KCNIP1: variants seen among roughly 807,000 people sequenced by gnomAD.
KCNIP1 encodes the protein A-type potassium channel modulatory protein KCNIP1.
Under a neutral mutation model 33.0 loss-of-function variants are expected in KCNIP1, and 18 were observed. The ratio of observed to expected loss-of-function variants is 0.55; its 90% CI spans 0.38 to 0.81. The LOEUF (loss-of-function observed/expected upper bound fraction) is 0.81. Ranked by LOEUF, KCNIP1 falls within the 30% of genes least tolerant of loss-of-function variation. The probability of loss-of-function intolerance (pLI) is 0.00; values close to 1 mark genes in which losing one functional copy is unlikely to be tolerated. For missense variants in KCNIP1, 238 were observed against 271.6 expected (o/e 0.88, Z 0.87); for synonymous variants, 93 against 98.3 (o/e 0.95, Z 0.32).
intron 5 of KCNIP1, among the ~76,000 whole-genome samples, chr5:170,731,872 CAAAAAAAAA>C (rs1157286321): frequency 5.9e-5 from 1 of 16,898 alleles, no homozygotes; most frequent in Non-Finnish European, 1.2e-4. Flanking sequence ...GACTCCGTCT[CAAAAAAAAA>C]AAAAAAAAAA....
At chr5:170,711,766 A>T (rs1763453576) in intron 1 of KCNIP1, among the ~76,000 whole-genome samples, 1 of 152,354 alleles carries the variant, frequency 6.6e-6, no homozygotes, top group Admixed American at 6.5e-5. Context: ...CCACCTCACC[A>T]GAAGGATCAA....
intron 1 of KCNIP1, among the ~76,000 whole-genome samples, chr5:170,546,361 C>T (rs1756409078): frequency 6.6e-6 from 1 of 152,222 alleles, no homozygotes. Flanking sequence ...CATTTCCCAG[C>T]CACCTGAGCT....
intron 1 of KCNIP1, among the ~76,000 whole-genome samples, chr5:170,674,139 GGAAGGAAGGAAGGAAGGAAGGAA>G (rs1762029168): frequency 4.2e-4 from 32 of 76,896 alleles, no homozygotes; most frequent in African/African-American, 1.6e-3. Flanking sequence ...GAGGAAGGAA[GGAAGGAAGGAAGGAAGGAAGGAA>G]GGAAGGAAGG....
chr5:170,581,287 A>G (rs1449751405), intron 1 of KCNIP1, among the ~76,000 whole-genome samples: 1 of 152,236 alleles, frequency 6.6e-6, no homozygotes, highest in Admixed American at 6.5e-5. Flanking sequence ...AGAGCTAACA[A>G]GTGTCAGAGT....
At chr5:170,390,166 T>A (rs1421554324) in intron 1 of KCNIP1, among the ~76,000 whole-genome samples, 1 of 152,166 alleles carries the variant, frequency 6.6e-6, no homozygotes, top group Non-Finnish European at 1.5e-5. Context: ...AAACATGCTT[T>A]TAGATCTCTG....
chr5:170,430,876 C>T (rs561764057), intron 1 of KCNIP1, among the ~76,000 whole-genome samples: 1 of 152,328 alleles, frequency 6.6e-6, no homozygotes, highest in African/African-American at 2.4e-5. Flanking sequence ...TCACTAGTCT[C>T]ATAGATGAGC....
chr5:170,393,687 A>C (rs1317789292), intron 1 of KCNIP1, among the ~76,000 whole-genome samples: 2 of 152,224 alleles, frequency 1.3e-5, no homozygotes. Context: ...GTAAATGCCG[A>C]TATTACAATT....
At chr5:170,416,158 C>A (rs377699096) in intron 1 of KCNIP1, among the ~76,000 whole-genome samples, 1 of 152,134 alleles carries the variant, frequency 6.6e-6, no homozygotes, top group East Asian at 1.9e-4. Context: ...GTCGCCCAGC[C>A]TCACTCTGGG....
intron 1 of KCNIP1, among the ~76,000 whole-genome samples, chr5:170,451,652 A>G (rs1239564854): frequency 6.6e-6 from 1 of 151,528 alleles, no homozygotes; most frequent in Non-Finnish European, 1.5e-5. Context: ...TCTGATAGGG[A>G]GCATCAGCTG....
At position 170,390,517 on chromosome 5, in the gene KCNIP1, A is replaced by AAAAAAAAAAAAAAATATAT; in HGVS notation, c.88+36554_88+36555insAAAAAAAAAAAAATATATA. Among the ~76,000 whole-genome samples, 50 of 74,504 alleles carry AAAAAAAAAAAAAAATATAT rather than the reference A, an allele frequency of 6.7e-4. 1 individual carries two copies. Among genetic ancestry groups the AAAAAAAAAAAAAAATATAT allele is most frequent in the African/African-American group, 3.1e-3 (48 of 15,578 alleles). The allele number at this position is 74,504 out of a possible 152,430, so 48.9% of individuals were successfully genotyped here. On this transcript the variant is annotated intron_variant, in intron 1 of 7. Transcript: ENST00000377360. Reference sequence around the variant, plus strand: ...GACCCCGTCTCAAAAAAAAAAAACAAATATATATATATATATATATATTTT... The same window carrying AAAAAAAAAAAAAAATATAT: ...GACCCCGTCTCAAAAAAAAAAAACAAAAAAAAAAAAAAAATATATATATATATATATATATATATATTTT...
At chr5:170,416,519 C>T (rs1272021668) in intron 1 of KCNIP1, among the ~76,000 whole-genome samples, 1 of 152,140 alleles carries the variant, frequency 6.6e-6, no homozygotes, top group Non-Finnish European at 1.5e-5. Flanking sequence ...GTCACAGGGG[C>T]CTTCCCTTCC....
intron 1 of KCNIP1, among the ~76,000 whole-genome samples, chr5:170,428,688 C>A (rs1193132649): frequency 6.6e-6 from 1 of 152,098 alleles, no homozygotes; most frequent in African/African-American, 2.4e-5. Flanking sequence ...ACACTAAAGC[C>A]AATAGGAAGA....
intron 1 of KCNIP1, among the ~76,000 whole-genome samples, chr5:170,363,363 T>A (rs1237861444): frequency 6.6e-6 from 1 of 152,190 alleles, no homozygotes; most frequent in African/African-American, 2.4e-5. Context: ...AGGGCCTTGA[T>A]GCAGGAGATT....
At chr5:170,696,134 C>G (rs1762884797) in intron 1 of KCNIP1, among the ~76,000 whole-genome samples, 2 of 152,008 alleles carry the variant, frequency 1.3e-5, no homozygotes, top group South Asian at 4.2e-4. Context: ...TCGTAGTGTT[C>G]ATAGACTCTC....
At chr5:170,692,100 C>A (rs1401936553) in intron 1 of KCNIP1, among the ~76,000 whole-genome samples, 2 of 152,082 alleles carry the variant, frequency 1.3e-5, no homozygotes, top group African/African-American at 4.8e-5. Context: ...CCAAGAACCA[C>A]CTAAGTAAAG....
chr5:170,636,424 C>T (rs1232850297), intron 1 of KCNIP1, among the ~76,000 whole-genome samples: 1 of 152,078 alleles, frequency 6.6e-6, no homozygotes, highest in African/African-American at 2.4e-5. Context: ...GGGGGGTGGC[C>T]GAGGAGGGGC....
chr5:170,675,470 T>C (rs1192389032), intron 1 of KCNIP1, among the ~76,000 whole-genome samples: 1 of 151,740 alleles, frequency 6.6e-6, no homozygotes, highest in Non-Finnish European at 1.5e-5. Flanking sequence ...AATACAAAAA[T>C]ATTAGCCGGG....
chr5:170,663,463 G>A (rs752062350), intron 1 of KCNIP1, among the ~76,000 whole-genome samples: 2 of 152,134 alleles, frequency 1.3e-5, no homozygotes, highest in Non-Finnish European at 2.9e-5. Context: ...AGCTGAGGGG[G>A]ATTTTAGCCC....
At chr5:170,693,880 G>A (rs1053035567) in intron 1 of KCNIP1, among the ~76,000 whole-genome samples, 2 of 152,200 alleles carry the variant, frequency 1.3e-5, no homozygotes, top group Non-Finnish European at 2.9e-5. Context: ...AAGCAGGCTG[G>A]AGGCAGTTCT....
Sources: gnomAD v4.1 joint callset for allele counts (sites outside exome capture counted in the v4.1 genomes callset) on GRCh38, gnomAD v4.1.1 for gene constraint, MANE v1.5 for transcripts, NCBI Gene and HGNC (gene_info 2026-07-23, HGNC 2026-07-21) for gene names.